Variants in LETM1 observed in about 807,000 individuals in gnomAD.
LETM1 encodes the protein leucine zipper and EF-hand containing transmembrane protein 1.
LETM1 carries 50 observed loss-of-function variants against 74.5 expected under a neutral mutation model. That is an observed-to-expected ratio of 0.67 (90% CI 0.53 to 0.85). The LOEUF is 0.85. Among genes scored for constraint, LETM1 ranks in the 40% least tolerant of loss-of-function variants. The pLI is 0.00. For synonymous variants in LETM1, 446 were observed against 407.1 expected (o/e 1.10, Z -1.15); for missense variants, 824 against 967.8 (o/e 0.85, Z 1.97).
At chr4:1,824,609 G>A (rs893671932) in intron 7 of LETM1, among the ~76,000 whole-genome samples, 7 of 139,582 alleles carry the variant, frequency 5.0e-5, no homozygotes, top group Non-Finnish European at 9.5e-5. Context: ...GAGAAGAAAG[G>A]CACCACCGAG....
Position 1,814,232 on chromosome 4 carries a change from G to A in LETM1, c.*192C>T. 1 of 895,602 alleles carries A rather than the reference G, an allele frequency of 1.1e-6. No homozygotes were observed. 55.5% of individuals were successfully genotyped at this position (895,602 alleles called of 1,614,324 possible). A position where few individuals can be genotyped will look rare whatever the true frequency, so the allele number is the denominator to read the frequency against. ...GGATCCAGACACGATTCTGTGGAGG[G>A]GTTCCGGGATTCCAGACAGACTGAA... On this transcript the variant is annotated 3_prime_UTR_variant, in exon 14 of 14. Coordinates refer to ENST00000302787, the MANE Select transcript of LETM1 (RefSeq NM_012318.3).
intron 10 of LETM1, among the ~76,000 whole-genome samples, chr4:1,821,045 T>C (rs538902415): frequency 3.9e-5 from 6 of 152,202 alleles, no homozygotes; most frequent in African/African-American, 1.4e-4. Context: ...TTCAAGCCAA[T>C]TTGCATTTTT....
In LETM1 at chr4:1,834,460, A is replaced by T. The variant is rs1308425077; in HGVS notation, c.876+385T>A. 9.7e-7 allele frequency: 1 copy of T among 1,032,240 alleles called. No individual in the cohort carries two copies. The highest frequency in any genetic ancestry group is 1.2e-6 in the Non-Finnish European group (1 of 859,122). 63.9% of individuals were successfully genotyped at this position (1,032,240 alleles called of 1,614,324 possible). A position where few individuals can be genotyped will look rare whatever the true frequency, so the allele number is the denominator to read the frequency against. ...TCCAGGCCTCTGACCAGCCCCTGGG[A>T]CCTGGGATCTTCTTGACTGACTCCA... On this transcript the variant is annotated intron_variant, in intron 5 of 13. Coordinates refer to ENST00000302787, the MANE Select transcript of LETM1 (RefSeq NM_012318.3). The surrounding 1 kb of genome is among the most constrained non-coding windows in gnomAD (Gnocchi z 5.0).
In LETM1 at chr4:1,841,379, C is replaced by T. The variant is rs1433033198; in HGVS notation, c.562G>A (p.Gly188Ser). The change falls in exon 3 of 14, where the codon GGC (glycine) becomes AGC (serine). Residue 188 changes from glycine to serine, a missense_variant. Physicochemically the swap from Gly to Ser is moderately conservative, Grantham distance 56. This residue lies in a region of LETM1 where 269 missense variants were observed against 348.8 expected (regional missense o/e 0.77). Coordinates refer to ENST00000302787, the MANE Select transcript of LETM1 (RefSeq NM_012318.3). Reference sequence around the variant, plus strand: ...CGCTCCCGGCGGGTCAGGCTGTGGCCGTTGAGGATGCGCCAGAGCATGCGT... The same window carrying T: ...CGCTCCCGGCGGGTCAGGCTGTGGCTGTTGAGGATGCGCCAGAGCATGCGT... ...AARMLWRILN[G>S]HSLTRRERRQ... is the part of the protein sequence containing the mutation. 5 of 1,613,622 alleles carry T rather than the reference C, an allele frequency of 3.1e-6. No homozygotes were observed. Among genetic ancestry groups the T allele is most frequent in the Non-Finnish European group, 4.2e-6 (5 of 1,179,694 alleles).
chr4:1,845,449 A>G (rs1348944204), intron 2 of LETM1, among the ~76,000 whole-genome samples: 3 of 152,200 alleles, frequency 2.0e-5, no homozygotes, highest in Non-Finnish European at 4.4e-5. Flanking sequence ...TTTTTGTACT[A>G]AAAATGCAAA....
chr4:1,847,083 C>A (rs986331719), intron 2 of LETM1, among the ~76,000 whole-genome samples: 3 of 152,178 alleles, frequency 2.0e-5, no homozygotes, highest in Non-Finnish European at 4.4e-5. Flanking sequence ...GTAATCCCAG[C>A]ACTTTGGGAG....
chr4:1,828,687 AC>A (rs572553356), intron 6 of LETM1, among the ~76,000 whole-genome samples: 7 of 98,312 alleles, frequency 7.1e-5, no homozygotes, highest in African/African-American at 2.6e-4. Flanking sequence ...CGGGGGGCTG[AC>A]CCCCCAACCT....
chr4:1,816,684 T>G (rs751607875), intron 12 of LETM1, 43 bp downstream of exon 12: 2 of 1,586,194 alleles, frequency 1.3e-6, no homozygotes, highest in Non-Finnish European at 1.7e-6. Flanking sequence ...AGCCTCCCTA[T>G]GTGAGTCTCC....
chr4:1,826,721 G>A (rs1712001745), intron 6 of LETM1, among the ~76,000 whole-genome samples: 1 of 152,264 alleles, frequency 6.6e-6, no homozygotes, highest in African/African-American at 2.4e-5. Context: ...ACTAAGCTGG[G>A]CTCCGCCAGT....
Position 1,813,908 on chromosome 4 carries a change from T to A in LETM1, c.*516A>T, listed in dbSNP as rs1722537667. The stretch of plus-strand genomic sequence containing the variant: ...GTCTCCACAATGACCCACATCCAAC[T>A]GAAAGTGTGCAGGAAGACAGGTCTA... On this transcript the variant is annotated 3_prime_UTR_variant, in exon 14 of 14. Transcript: ENST00000302787. 6.2e-6 allele frequency: 1 copy of A among 162,202 alleles called. No individual in the cohort carries two copies. Among genetic ancestry groups the A allele is most frequent in the African/African-American group, 2.4e-5 (1 of 41,636 alleles). 10.0% of individuals were successfully genotyped at this position (162,202 alleles called of 1,614,324 possible).
intron 6 of LETM1, among the ~76,000 whole-genome samples, chr4:1,827,762 G>C (rs1266962857): frequency 6.7e-6 from 1 of 148,516 alleles, no homozygotes. Context: ...ATTCCACAAA[G>C]CCGCCATTGT....
chr4:1,824,658 C>T (rs1433375271), intron 7 of LETM1, among the ~76,000 whole-genome samples: 6 of 152,296 alleles, frequency 3.9e-5, no homozygotes, highest in South Asian at 4.1e-4. Context: ...ACATGACACT[C>T]GGGCCCCCAA....
At chr4:1,824,665 C>A (rs189110375) in intron 7 of LETM1, among the ~76,000 whole-genome samples, 1 of 152,316 alleles carries the variant, frequency 6.6e-6, no homozygotes, top group African/African-American at 2.4e-5. Flanking sequence ...ACTCGGGCCC[C>A]CAATGCGCCA....
chr4:1,831,316 A>G (rs779543399), intron 6 of LETM1, among the ~76,000 whole-genome samples: 5 of 152,206 alleles, frequency 3.3e-5, no homozygotes, highest in Non-Finnish European at 7.3e-5. Context: ...TCCAGCCTCC[A>G]CAGACATCTG....
intron 1 of LETM1, 54 bp downstream of exon 1, chr4:1,855,815 G>C: frequency 2.8e-6 from 3 of 1,085,526 alleles, no homozygotes; most frequent in Non-Finnish European, 3.5e-6. Context: ...GGTCGTCCGC[G>C]CTCCCGACCC....
In LETM1 at chr4:1,814,158, G is replaced by T; in HGVS notation, c.*266C>A. On this transcript the variant is annotated 3_prime_UTR_variant, in exon 14 of 14. Transcript: ENST00000302787. ...GGGGGCGCCTTCCTGCCTTGGCCCA[G>T]CCCAGCTGCCTCTGGAGCCAGGAGG... 1 of 507,612 alleles carries T rather than the reference G, an allele frequency of 2.0e-6. No homozygotes were observed. The highest frequency in any genetic ancestry group is 3.5e-6 in the Non-Finnish European group (1 of 285,164). The allele number at this position is 507,612 out of a possible 1,614,324, so 31.4% of individuals were successfully genotyped here. A position where few individuals can be genotyped will look rare whatever the true frequency, so the allele number is the denominator to read the frequency against.
intron 11 of LETM1, 77 bp downstream of exon 11, chr4:1,819,261 T>C (rs1711688874): frequency 2.2e-6 from 3 of 1,381,278 alleles, no homozygotes; most frequent in Non-Finnish European, 3.0e-6. Context: ...ACGGAAGTAT[T>C]ATGTATACTT....
At chr4:1,842,443 C>A (rs114786597) in intron 2 of LETM1, among the ~76,000 whole-genome samples, 81 of 152,340 alleles carry the variant, frequency 5.3e-4, no homozygotes, top group African/African-American at 1.9e-3. Flanking sequence ...CCTGCCCCCC[C>A]GCCTGGACAT....
intron 10 of LETM1, among the ~76,000 whole-genome samples, chr4:1,819,700 G>A (rs1056289936): frequency 6.6e-6 from 1 of 152,132 alleles, no homozygotes; most frequent in African/African-American, 2.4e-5. Context: ...TTTAAAGCGC[G>A]TCATCTATGA....
Sources: gnomAD v4.1 joint callset for allele counts (sites outside exome capture counted in the v4.1 genomes callset) on GRCh38, gnomAD v4.1.1 for gene constraint, gnomAD v4.1.1 regional missense constraint, Gnocchi (gnomAD v3.1) non-coding constraint, MANE v1.5 for transcripts, NCBI Gene and HGNC (gene_info 2026-07-23, HGNC 2026-07-21) for gene names.